Variants in ACER3 observed in about 807,000 individuals in gnomAD.
The protein encoded by ACER3 is alkCDase 3.
A neutral mutation model predicts 48.9 loss-of-function variants in ACER3; 16 were observed. The ratio of observed to expected loss-of-function variants is 0.33; its 90% confidence interval spans 0.22 to 0.50. The LOEUF (loss-of-function observed/expected upper bound fraction) is 0.50. Ranked by LOEUF, ACER3 falls within the 20% of genes least tolerant of loss-of-function variation. ACER3 has a pLI of 0.98. For synonymous variants in ACER3, 109 were observed against 107.8 expected, an observed-to-expected ratio of 1.01 and a Z score of -0.07; for missense variants, 227 against 326.0, an observed-to-expected ratio of 0.70 and a Z score of 2.34.
rs372761057 is a variant in ACER3, at chr11:77,015,127, A to G, written c.599+10A>G. 4.4e-6 allele frequency: 6 copies of G among 1,366,716 alleles called. No individual in the cohort carries two copies. Among genetic ancestry groups the G allele is most frequent in the Non-Finnish European group, 5.2e-6 (5 of 963,274 alleles). 84.7% of individuals were successfully genotyped at this position (1,366,716 alleles called of 1,614,324 possible). A position where few individuals can be genotyped will look rare whatever the true frequency, so the allele number is the denominator to read the frequency against. On this transcript the variant is annotated intron_variant, in intron 8 of 10. Coordinates refer to ENST00000532485, the MANE Select transcript of ACER3 (RefSeq NM_018367.7). Reference sequence around the variant, plus strand: ...TTTGTGAGTCACTGAGGTAAGATATATTTTCATTCCTTCAGAAATATTTTT... The same window carrying G: ...TTTGTGAGTCACTGAGGTAAGATATGTTTTCATTCCTTCAGAAATATTTTT...
At chr11:76,969,059 A>G (rs1366639182) in intron 3 of ACER3, among the ~76,000 whole-genome samples, 1 of 152,212 alleles carries the variant, frequency 6.6e-6, no homozygotes, top group Non-Finnish European at 1.5e-5. Context: ...CAAAGGGCTA[A>G]TATCCAGAAT....
intron 1 of ACER3, among the ~76,000 whole-genome samples, chr11:76,863,333 T>A (rs1381053741): frequency 6.6e-6 from 1 of 152,146 alleles, no homozygotes; most frequent in Non-Finnish European, 1.5e-5. Context: ...AAATGGGAAA[T>A]GACATTTGTT....
In ACER3 at chr11:77,023,190, C is replaced by A. The variant is rs1426515160; in HGVS notation, c.*2863C>A. On this transcript the variant is annotated 3_prime_UTR_variant, in exon 11 of 11. Coordinates refer to ENST00000532485, the MANE Select transcript of ACER3 (RefSeq NM_018367.7). ...GAAAAACATGTTTTTAAATAATCTA[C>A]AAATGAGAACCCAAATAGTAGTGTT... 4 of 398,330 alleles carry A rather than the reference C, an allele frequency of 1.0e-5. No homozygotes were observed. Among genetic ancestry groups the A allele is most frequent in the Non-Finnish European group, 1.3e-5 (3 of 226,006 alleles). The allele number at this position is 398,330 out of a possible 1,614,324, so 24.7% of individuals were successfully genotyped here.
intron 1 of ACER3, among the ~76,000 whole-genome samples, chr11:76,920,806 T>A (rs1946667103): frequency 6.6e-6 from 1 of 152,030 alleles, no homozygotes; most frequent in Non-Finnish European, 1.5e-5. Context: ...CTGGCTAATT[T>A]TAAAAAATTT....
chr11:76,867,468 CAAAAAAAAAAAA>C (rs1156610809), intron 1 of ACER3, among the ~76,000 whole-genome samples: 2 of 19,636 alleles, frequency 1.0e-4, no homozygotes, highest in African/African-American at 3.3e-4. Context: ...GACTCTGTCT[CAAAAAAAAAAAA>C]AAAAAAAAAA....
At chr11:76,876,423 T>C (rs1189667110) in intron 1 of ACER3, among the ~76,000 whole-genome samples, 2 of 152,246 alleles carry the variant, frequency 1.3e-5, no homozygotes, top group East Asian at 3.8e-4. Context: ...GATTCCACTG[T>C]ATGAATATAC....
intron 3 of ACER3, among the ~76,000 whole-genome samples, chr11:76,972,271 G>C (rs1948326006): frequency 6.6e-6 from 1 of 151,162 alleles, no homozygotes; most frequent in South Asian, 2.1e-4. Flanking sequence ...TATCTTTTTA[G>C]TATAGCCATC....
Position 76,872,905 on chromosome 11 carries a change from C to CTTTTTTTTTTTTTTTTTTTT in ACER3, c.103+11831_103+11832insTTTTTTTTTTTTTTTTTTTT, listed in dbSNP as rs756362938. ...TCTTTTCTTTCTTTCTTTCTTTTTT[C>CTTTTTTTTTTTTTTTTTTTT]TTTTTCTTTTTTTTTTTTTTTTTTG... On this transcript the variant is annotated intron_variant, in intron 1 of 10. Coordinates refer to ENST00000532485, the MANE Select transcript of ACER3 (RefSeq NM_018367.7). Among the ~76,000 whole-genome samples the CTTTTTTTTTTTTTTTTTTTT allele has an allele frequency of 3.2e-4, 30 of 94,570 alleles. 2 individuals are homozygous for CTTTTTTTTTTTTTTTTTTTT. Among genetic ancestry groups the CTTTTTTTTTTTTTTTTTTTT allele is most frequent in the African/African-American group, 1.2e-3 (28 of 23,730 alleles). 62.0% of individuals were successfully genotyped at this position (94,570 alleles called of 152,430 possible).
chr11:76,957,428 T>G, intron 2 of ACER3: 1 of 450,746 alleles, frequency 2.2e-6, no homozygotes, highest in Non-Finnish European at 4.5e-6. Flanking sequence ...GAAGTTTAAT[T>G]TTTAACTTTT....
chr11:77,018,232 G>A (rs1428416312), intron 9 of ACER3, among the ~76,000 whole-genome samples: 2 of 152,024 alleles, frequency 1.3e-5, no homozygotes, highest in African/African-American at 4.8e-5. Context: ...GAGCCAAGGT[G>A]CCTGGCCTGT....
chr11:76,996,547 A>G (rs59681714), intron 6 of ACER3, among the ~76,000 whole-genome samples: 3,952 of 150,762 alleles, frequency 0.026, 159 homozygotes, highest in African/African-American at 0.091. Context: ...GCCTCTAAGT[A>G]GCTGGGATTA....
intron 2 of ACER3, among the ~76,000 whole-genome samples, chr11:76,953,366 A>C (rs1398132586): frequency 6.6e-6 from 1 of 152,108 alleles, no homozygotes; most frequent in Non-Finnish European, 1.5e-5. Context: ...TGGGAGGCCG[A>C]GGTGGGTGGA....
rs1275338676 is a variant in ACER3, at chr11:77,021,976, T to C, written c.*1649T>C. ...GAACTTTGATTCTGCCTTAAGAGGG[T>C]ATAAAACTAAACCATTTGAAGGCAC... is the stretch of plus-strand genomic sequence containing the variant. On this transcript the variant is annotated 3_prime_UTR_variant, in exon 11 of 11. Coordinates refer to ENST00000532485, the MANE Select transcript of ACER3 (RefSeq NM_018367.7). 9.9e-5 allele frequency: 15 copies of C among 152,234 alleles called. No individual in the cohort carries two copies. The highest frequency in any genetic ancestry group is 3.4e-4 in the African/African-American group (14 of 41,540). The allele number at this position is 152,234 out of a possible 1,614,324, so 9.4% of individuals were successfully genotyped here.
At chr11:76,939,564 C>G (rs1261276333) in intron 2 of ACER3, among the ~76,000 whole-genome samples, 1 of 152,142 alleles carries the variant, frequency 6.6e-6, no homozygotes, top group African/African-American at 2.4e-5. Context: ...CTGCTGCACT[C>G]TAGCCTGGGT....
At chr11:77,006,396 G>A (rs1949151209) in intron 7 of ACER3, among the ~76,000 whole-genome samples, 1 of 152,040 alleles carries the variant, frequency 6.6e-6, no homozygotes, top group Non-Finnish European at 1.5e-5. Context: ...AAAATGTGTT[G>A]TGTCCTCCCA....
At chr11:76,877,520 TCCC>T (rs141197129) in intron 1 of ACER3, among the ~76,000 whole-genome samples, 1 of 151,944 alleles carries the variant, frequency 6.6e-6, no homozygotes, top group Non-Finnish European at 1.5e-5. Context: ...TTCCTTTTTT[TCCC>T]CCCCATTTCT....
intron 7 of ACER3, among the ~76,000 whole-genome samples, chr11:77,007,301 T>A (rs925156673): frequency 6.6e-6 from 1 of 152,122 alleles, no homozygotes; most frequent in African/African-American, 2.4e-5. Flanking sequence ...CTCTTCCTCC[T>A]CTCCTTCTGG....
At chr11:77,008,987 G>T (rs782685094) in intron 7 of ACER3, among the ~76,000 whole-genome samples, 9 of 152,176 alleles carry the variant, frequency 5.9e-5, no homozygotes, top group Non-Finnish European at 7.4e-5. Context: ...TTGATCCCAG[G>T]ACACTGAGGC....
At chr11:76,997,819 C>A (rs1408486340) in intron 6 of ACER3, among the ~76,000 whole-genome samples, 1 of 152,116 alleles carries the variant, frequency 6.6e-6, no homozygotes, top group African/African-American at 2.4e-5. Flanking sequence ...GCCTAGACAA[C>A]AAAAGACCCT....
Sources: gnomAD v4.1 joint callset for allele counts (sites outside exome capture counted in the v4.1 genomes callset) on GRCh38, gnomAD v4.1.1 for gene constraint, MANE v1.5 for transcripts, NCBI Gene and HGNC (gene_info 2026-07-23, HGNC 2026-07-21) for gene names.